The following CPA6 variants were observed in gnomAD, a reference collection of about 807,000 sequenced individuals.
CPA6 encodes the protein carboxypeptidase B.
CPA6 carries 58 observed loss-of-function variants against 63.3 expected under a neutral mutation model. That is an observed-to-expected ratio of 0.92 (90% CI 0.74 to 1.14). The LOEUF (loss-of-function observed/expected upper bound fraction) is 1.14. Ranked by LOEUF, CPA6 falls within the 50% of genes most tolerant of loss-of-function variation. CPA6 has a pLI of 0.00. For synonymous variants in CPA6, 185 were observed against 179.0 expected (o/e 1.03, Z -0.27); for missense variants, 565 against 526.6 (o/e 1.07, Z -0.71).
intron 1 of CPA6, among the ~76,000 whole-genome samples, chr8:67,703,166 C>T (rs1397959561): frequency 1.3e-5 from 2 of 152,102 alleles, no homozygotes; most frequent in South Asian, 4.2e-4. Flanking sequence ...GTGTTCAATC[C>T]CTGTACTCAG....
intron 2 of CPA6, among the ~76,000 whole-genome samples, chr8:67,561,146 A>G (rs894626039): frequency 6.6e-6 from 1 of 152,080 alleles, no homozygotes; most frequent in African/African-American, 2.4e-5. Context: ...ATTACTACAA[A>G]TTGCTTATAG....
chr8:67,454,326 T>A (rs77343874), intron 8 of CPA6, among the ~76,000 whole-genome samples: 10,052 of 152,238 alleles, frequency 0.066, 752 homozygotes, highest in African/African-American at 0.18. Context: ...CTTCTGGATT[T>A]TATGTAGCTG....
chr8:67,546,204 T>C (rs897206807), intron 2 of CPA6, among the ~76,000 whole-genome samples: 1 of 152,144 alleles, frequency 6.6e-6, no homozygotes, highest in African/African-American at 2.4e-5. Flanking sequence ...ATTACAAAAA[T>C]ATAAACGGGA....
intron 8 of CPA6, chr8:67,483,461 G>A (rs898822126): frequency 6.8e-6 from 3 of 443,970 alleles, no homozygotes; most frequent in African/African-American, 2.0e-5. Flanking sequence ...ACTACACCAC[G>A]GTTCATGTTT....
At chr8:67,634,348 A>G (rs1416260114) in intron 1 of CPA6, among the ~76,000 whole-genome samples, 1 of 150,546 alleles carries the variant, frequency 6.6e-6, no homozygotes, top group East Asian at 1.9e-4. Context: ...CCTCCCGAGT[A>G]GCTGGGACTA....
At chr8:67,594,907 G>C (rs1366436875) in intron 2 of CPA6, among the ~76,000 whole-genome samples, 1 of 152,208 alleles carries the variant, frequency 6.6e-6, no homozygotes, top group East Asian at 1.9e-4. Context: ...GTCCAGCTTT[G>C]CTCCATTGCT....
intron 1 of CPA6, among the ~76,000 whole-genome samples, chr8:67,724,888 C>T (rs1354815636): frequency 2.0e-5 from 3 of 152,352 alleles, no homozygotes; most frequent in South Asian, 4.1e-4. Flanking sequence ...TTCAGGAAGT[C>T]CTCTTCCATC....
At chr8:67,614,989 T>C (rs1333568896) in intron 2 of CPA6, among the ~76,000 whole-genome samples, 4 of 152,234 alleles carry the variant, frequency 2.6e-5, no homozygotes, top group Non-Finnish European at 5.9e-5. Context: ...CTCACATGGT[T>C]GAATATTTAA....
At chr8:67,467,623 C>G (rs1810956209) in intron 8 of CPA6, among the ~76,000 whole-genome samples, 1 of 152,090 alleles carries the variant, frequency 6.6e-6, no homozygotes, top group African/African-American at 2.4e-5. Context: ...TGCATCATGG[C>G]TTATGGTCCT....
At chr8:67,653,266 C>T (rs1241915494) in intron 1 of CPA6, among the ~76,000 whole-genome samples, 4 of 152,096 alleles carry the variant, frequency 2.6e-5, no homozygotes, top group African/African-American at 4.8e-5. Context: ...AGTTTTTTTC[C>T]AATTCTGTGA....
chr8:67,475,347 A>C (rs145341047), intron 8 of CPA6, among the ~76,000 whole-genome samples: 12 of 152,376 alleles, frequency 7.9e-5, no homozygotes, highest in South Asian at 2.1e-4. Context: ...TTAATGTCTA[A>C]AATGATAGCT....
chr8:67,574,376 C>CAAAAA (rs1181267622), intron 2 of CPA6, among the ~76,000 whole-genome samples: 1 of 65,230 alleles, frequency 1.5e-5, no homozygotes, highest in African/African-American at 4.7e-5. Flanking sequence ...GACTCTGTCT[C>CAAAAA]AAAAAAAAAA....
intron 1 of CPA6, among the ~76,000 whole-genome samples, chr8:67,707,991 A>G (rs1817172612): frequency 6.6e-6 from 1 of 152,130 alleles, no homozygotes; most frequent in Admixed American, 6.5e-5. Context: ...TACCTTGTCT[A>G]CACAGTCCCT....
At chr8:67,693,112 C>G (rs1276845076) in intron 1 of CPA6, among the ~76,000 whole-genome samples, 1 of 152,210 alleles carries the variant, frequency 6.6e-6, no homozygotes, top group African/African-American at 2.4e-5. Flanking sequence ...TGTGAAAAGA[C>G]TCATTCCAAA....
intron 1 of CPA6, among the ~76,000 whole-genome samples, chr8:67,693,929 C>T (rs976252457): frequency 1.3e-5 from 2 of 152,156 alleles, no homozygotes; most frequent in African/African-American, 4.8e-5. Context: ...AGTGAAATTT[C>T]TAGGGATCCA....
At chr8:67,722,302 C>T (rs1003819921) in intron 1 of CPA6, among the ~76,000 whole-genome samples, 12 of 152,314 alleles carry the variant, frequency 7.9e-5, no homozygotes, top group Admixed American at 3.9e-4. Flanking sequence ...TGCATCAGAA[C>T]CACCTGGTAA....
intron 1 of CPA6, among the ~76,000 whole-genome samples, chr8:67,680,275 G>A (rs72657287): frequency 5.4e-4 from 82 of 152,246 alleles, no homozygotes; most frequent in African/African-American, 1.9e-3. Flanking sequence ...GCTGAAGTGC[G>A]TGGATTGCTT....
At chr8:67,681,049 GCTTGTCCTTTTATTCACTTAACAATGT>G (rs1816580926) in intron 1 of CPA6, among the ~76,000 whole-genome samples, 3 of 151,788 alleles carry the variant, frequency 2.0e-5, no homozygotes, top group Admixed American at 2.0e-4. Context: ...TTCATTTGTG[GCTTGTCCTTTTATTCACTTAACAATGT>G]CTGTCCAAGA....
intron 1 of CPA6, among the ~76,000 whole-genome samples, chr8:67,731,032 A>G (rs150074020): frequency 1.1e-3 from 168 of 152,344 alleles, no homozygotes; most frequent in East Asian, 6.2e-3. Context: ...CTGATTTTGC[A>G]TCTTTCCACT....
Sources: gnomAD v4.1 joint callset for allele counts (sites outside exome capture counted in the v4.1 genomes callset) on GRCh38, gnomAD v4.1.1 for gene constraint, MANE v1.5 for transcripts, NCBI Gene and HGNC (gene_info 2026-07-23, HGNC 2026-07-21) for gene names.